ZRANB3: variants seen among roughly 807,000 people sequenced by gnomAD.
ZRANB3 encodes the protein DNA annealing helicase and endonuclease ZRANB3.
A neutral mutation model predicts 133.8 loss-of-function variants in ZRANB3; 125 were observed. That is an observed-to-expected ratio of 0.93 (90% confidence interval 0.81 to 1.08). The LOEUF is 1.08. ZRANB3 is among the 50% of genes least tolerant of loss of function. The pLI is 0.00. For synonymous variants in ZRANB3, 387 were observed against 432.7 expected, an observed-to-expected ratio of 0.89 and a Z score of 1.31; for missense variants, 1,229 against 1,275.5, an observed-to-expected ratio of 0.96 and a Z score of 0.56.
At position 135,265,574 on chromosome 2, in the gene ZRANB3, T is replaced by A; in HGVS notation, c.1499A>T (p.Asp500Val). 6.2e-7 allele frequency: 1 copy of A among 1,613,734 alleles called. No individual in the cohort carries two copies. The highest frequency in any genetic ancestry group is 1.3e-5 in the African/African-American group (1 of 75,052). The change falls in exon 12 of 21, where the codon GAC becomes GTC. Residue 500 changes from aspartate (D) to valine (V), a missense_variant. By Grantham distance (152) the Asp-to-Val change is radical (BLOSUM62 -3). Coordinates refer to ENST00000264159, the MANE Select transcript of ZRANB3 (RefSeq NM_032143.4). ...LQFAEAWTPN[D>V]SSEELRKEAL... ...TTCCTTCCTTAACTCTTCAGAACTG[T>A]CATTTGGAGTCCAAGCTTCAGCAAA...
intron 8 of ZRANB3, among the ~76,000 whole-genome samples, chr2:135,307,047 T>C (rs1349295930): frequency 1.3e-5 from 2 of 152,160 alleles, no homozygotes; most frequent in East Asian, 3.9e-4. Flanking sequence ...TAATGAATTT[T>C]ATTTTATTTT....
chr2:135,416,383 T>G (rs1309861583), intron 2 of ZRANB3, among the ~76,000 whole-genome samples: 2 of 152,036 alleles, frequency 1.3e-5, no homozygotes, highest in African/African-American at 4.8e-5. Flanking sequence ...ATAAAATACT[T>G]AGGAATCCAA....
rs749439737 is a variant in ZRANB3 at position 135,230,695 on chromosome 2, T to C, written c.1772A>G (p.Glu591Gly). 6.2e-7 allele frequency: 1 copy of C among 1,613,108 alleles called. No individual in the cohort carries two copies. Among genetic ancestry groups the C allele is most frequent in the Non-Finnish European group, 8.5e-7 (1 of 1,179,586 alleles). ...AASEDHCSPSEETPSQSKQIR... is the reference protein window; with the variant it reads ...AASEDHCSPSGETPSQSKQIR... ...TTGCTTGGACTGGGATGGTGTCTCT[T>C]CCGACGGACTGCAGTGGTCTTCCGA... Residue 591 changes from glutamate to glycine, a missense_variant, in exon 13 of 21, where the codon GAA (glutamate) becomes GGA (glycine). Physicochemically the swap from Glu to Gly is moderately conservative, Grantham distance 98. Coordinates refer to ENST00000264159, the MANE Select transcript of ZRANB3 (RefSeq NM_032143.4).
chr2:135,227,975 G>GT lies in ZRANB3; in HGVS notation c.1994dup (p.Asn665LysfsTer5). The GT allele has an allele frequency of 6.4e-7, 1 of 1,551,662 alleles. No homozygotes were observed. The highest frequency in any genetic ancestry group is 8.7e-7 in the Non-Finnish European group (1 of 1,146,948). On this transcript the variant is annotated frameshift_variant, in exon 14 of 21. Coordinates refer to ENST00000264159, the MANE Select transcript of ZRANB3 (RefSeq NM_032143.4). LOFTEE classifies it high-confidence loss of function. ...TGTCTTTCTGAGAATCATCCTTCTC[G>GT]TTTTTATCCTGGATATGGTTGAGGC...
chr2:135,465,006 T>A (rs1370422684), intron 2 of ZRANB3, among the ~76,000 whole-genome samples: 1 of 151,948 alleles, frequency 6.6e-6, no homozygotes, highest in Non-Finnish European at 1.5e-5. Flanking sequence ...AAACTAAAAA[T>A]GGGGCGGTAG....
At chr2:135,330,789 T>A (rs1263109868) in intron 6 of ZRANB3, among the ~76,000 whole-genome samples, 1 of 152,170 alleles carries the variant, frequency 6.6e-6, no homozygotes, top group East Asian at 1.9e-4. Flanking sequence ...AGGGTGTATG[T>A]GTCCAGGAAT....
Position 135,455,594 on chromosome 2 carries a change from T to C in ZRANB3, c.161+48735A>G, listed in dbSNP as rs577806030. On this transcript the variant is annotated intron_variant, in intron 2 of 20. Coordinates refer to ENST00000264159, the MANE Select transcript of ZRANB3 (RefSeq NM_032143.4). ...GGCCAACTATTGATTTTTTTCTTTT[T>C]TTTTTTTTTTTTTTTGAGACGGAGT... Among the ~76,000 whole-genome samples, 1,002 of 144,998 alleles carry C rather than the reference T, an allele frequency of 6.9e-3. 12 individuals are homozygous for C. Among genetic ancestry groups the C allele is most frequent in the African/African-American group, 0.024 (930 of 39,492 alleles).
At chr2:135,340,185 A>G (rs1387947008) in intron 6 of ZRANB3, among the ~76,000 whole-genome samples, 1 of 150,468 alleles carries the variant, frequency 6.6e-6, no homozygotes, top group Non-Finnish European at 1.5e-5. Context: ...GGCTCACTAC[A>G]ACCTCCGCCT....
intron 12 of ZRANB3, among the ~76,000 whole-genome samples, chr2:135,261,290 G>T (rs1056963046): frequency 6.6e-6 from 1 of 152,112 alleles, no homozygotes; most frequent in Non-Finnish European, 1.5e-5. Context: ...AAGTTAATCA[G>T]TAGACTAAAT....
intron 3 of ZRANB3, among the ~76,000 whole-genome samples, chr2:135,364,259 A>T (rs1685826570): frequency 6.6e-6 from 1 of 152,182 alleles, no homozygotes; most frequent in African/African-American, 2.4e-5. Context: ...AGCTTTGCCT[A>T]ATTTTTGGCC....
chr2:135,328,409 T>C (rs1316290119), intron 6 of ZRANB3, among the ~76,000 whole-genome samples: 3 of 152,204 alleles, frequency 2.0e-5, no homozygotes, highest in Non-Finnish European at 4.4e-5. Context: ...TTTTTATGGC[T>C]GCATAGCATT....
chr2:135,388,484 A>C (rs1456425107), intron 3 of ZRANB3, among the ~76,000 whole-genome samples: 2 of 152,086 alleles, frequency 1.3e-5, no homozygotes, highest in Non-Finnish European at 2.9e-5. Context: ...AAGATTTTTC[A>C]CCATGACTTA....
chr2:135,454,687 G>T (rs547341953), intron 2 of ZRANB3, among the ~76,000 whole-genome samples: 2 of 152,204 alleles, frequency 1.3e-5, no homozygotes, highest in East Asian at 3.9e-4. Context: ...AGAACATTTG[G>T]TATTTAGTTT....
chr2:135,297,629 T>C (rs1420130515), intron 8 of ZRANB3, among the ~76,000 whole-genome samples: 1 of 152,176 alleles, frequency 6.6e-6, no homozygotes. Flanking sequence ...ACCCGGTACC[T>C]CAGTTGGAAA....
chr2:135,367,954 C>A (rs1686010445), intron 3 of ZRANB3, among the ~76,000 whole-genome samples: 1 of 152,056 alleles, frequency 6.6e-6, no homozygotes, highest in Non-Finnish European at 1.5e-5. Flanking sequence ...AATAACTTCT[C>A]TGTTCTTTTG....
intron 12 of ZRANB3, among the ~76,000 whole-genome samples, chr2:135,263,655 T>G (rs1158575853): frequency 6.6e-6 from 1 of 152,254 alleles, no homozygotes; most frequent in Non-Finnish European, 1.5e-5. Flanking sequence ...TATAAGGATG[T>G]GTTTTTTTAA....
intron 17 of ZRANB3, 96 bp downstream of exon 17, chr2:135,217,369 A>T: frequency 8.4e-7 from 1 of 1,193,376 alleles, no homozygotes; most frequent in South Asian, 1.8e-5. Context: ...ACTCATCAGG[A>T]TTTCATTAGT....
intron 2 of ZRANB3, among the ~76,000 whole-genome samples, chr2:135,474,096 C>A (rs529832387): frequency 6.6e-6 from 1 of 151,892 alleles, no homozygotes; most frequent in Non-Finnish European, 1.5e-5. Flanking sequence ...GAGGCTGAGG[C>A]GGGAGGATCA....
intron 1 of ZRANB3, among the ~76,000 whole-genome samples, chr2:135,516,062 T>C (rs1384998327): frequency 2.0e-5 from 3 of 152,216 alleles, no homozygotes; most frequent in African/African-American, 7.2e-5. Context: ...CTTTGTTGGT[T>C]TAAAGTCTGT....
Sources: allele counts gnomAD v4.1 joint callset (sites outside exome capture counted in the v4.1 genomes callset), GRCh38; gene constraint gnomAD v4.1.1; transcripts MANE v1.5; gene names NCBI Gene and HGNC (gene_info 2026-07-23, HGNC 2026-07-21).